Variants in IPO11 observed in about 807,000 individuals in gnomAD.
IPO11 encodes the protein importin 11.
A neutral mutation model predicts 143.2 loss-of-function variants in IPO11; 66 were observed. That is an observed-to-expected ratio of 0.46 (90% CI 0.38 to 0.57). IPO11 has a LOEUF of 0.57. Among genes scored for constraint, IPO11 ranks in the 20% least tolerant of loss-of-function variants. The probability of loss-of-function intolerance (pLI) is 0.00; values close to 1 mark genes in which losing one functional copy is unlikely to be tolerated. For missense variants in IPO11, 1,026 were observed against 1,141.0 expected (o/e 0.90, Z 1.45); for synonymous variants, 385 against 377.8 (o/e 1.02, Z -0.22).
At chr5:62,578,971 A>G (rs1744430829) in intron 27 of IPO11, 1 of 240,244 alleles carries the variant, frequency 4.2e-6, no homozygotes, top group Non-Finnish European at 8.3e-6. Context: ...CTTCTAGCTG[A>G]CATGAAAAAT....
chr5:62,616,182 T>C (rs963661608), intron 29 of IPO11, among the ~76,000 whole-genome samples: 3 of 152,124 alleles, frequency 2.0e-5, no homozygotes, highest in Non-Finnish European at 4.4e-5. Flanking sequence ...TGTGGACATA[T>C]CTATCTAACG....
intron 20 of IPO11, among the ~76,000 whole-genome samples, chr5:62,517,158 A>G (rs1352594167): frequency 6.6e-6 from 1 of 151,884 alleles, no homozygotes; most frequent in Non-Finnish European, 1.5e-5. Context: ...AGATCGCGCC[A>G]CTGCACTCTA....
At chr5:62,556,225 T>A (rs555096446) in intron 26 of IPO11, among the ~76,000 whole-genome samples, 3 of 152,176 alleles carry the variant, frequency 2.0e-5, no homozygotes. Flanking sequence ...CTTGGGGGGC[T>A]GAGGCAGGAG....
intron 29 of IPO11, among the ~76,000 whole-genome samples, chr5:62,606,411 C>T (rs1255569612): frequency 3.0e-5 from 4 of 133,928 alleles, no homozygotes; most frequent in East Asian, 4.6e-4. Flanking sequence ...ACATGGGAGA[C>T]GGAGGTTGCA....
chr5:62,456,032 C>A (rs1490228140), intron 5 of IPO11, among the ~76,000 whole-genome samples: 18 of 151,876 alleles, frequency 1.2e-4, no homozygotes, highest in Admixed American at 1.2e-3. Flanking sequence ...GCCAGGAATT[C>A]ATTTTCTTTT....
At chr5:62,605,710 A>G (rs974303930) in intron 29 of IPO11, among the ~76,000 whole-genome samples, 17 of 113,620 alleles carry the variant, frequency 1.5e-4, no homozygotes, top group South Asian at 3.2e-4. Context: ...ACCAGCTAAC[A>G]AAGTATTATT....
chr5:62,487,723 A>AT (rs762112660), intron 12 of IPO11, 48 bp from the exon 13 acceptor site: 129 of 1,473,406 alleles, frequency 8.8e-5, no homozygotes, highest in Admixed American at 2.1e-4. Context: ...ATTAGTCAAT[A>AT]TAGTATGCAA....
chr5:62,487,667 T>G, intron 12 of IPO11, 104 bp from the exon 13 acceptor site: 1 of 1,193,618 alleles, frequency 8.4e-7, no homozygotes, highest in Non-Finnish European at 1.1e-6. Flanking sequence ...TGGAAACATT[T>G]TCAAAGTTTT....
chr5:62,470,133 T>C, intron 6 of IPO11, 117 bp from the exon 7 acceptor site: 1 of 954,052 alleles, frequency 1.0e-6, no homozygotes. Context: ...GGAGTTAACT[T>C]TCCAACCCAG....
At chr5:62,528,560 T>A (rs994149760) in intron 21 of IPO11, among the ~76,000 whole-genome samples, 2 of 151,984 alleles carry the variant, frequency 1.3e-5, no homozygotes, top group African/African-American at 4.8e-5. Context: ...AGGGGTGGGA[T>A]TCAGAGCTCA....
At chr5:62,463,493 A>G (rs1046713368) in intron 5 of IPO11, among the ~76,000 whole-genome samples, 5 of 151,774 alleles carry the variant, frequency 3.3e-5, no homozygotes, top group African/African-American at 1.2e-4. Flanking sequence ...GTGAGATCCT[A>G]TCTCTACAAA....
At chr5:62,610,754 AAATG>A (rs1359779459) in intron 29 of IPO11, among the ~76,000 whole-genome samples, 1 of 152,222 alleles carries the variant, frequency 6.6e-6, no homozygotes, top group Non-Finnish European at 1.5e-5. Flanking sequence ...AGCATCTTCA[AAATG>A]AATCTTTTTT....
intron 27 of IPO11, among the ~76,000 whole-genome samples, chr5:62,582,392 A>T (rs1307572628): frequency 1.3e-5 from 2 of 152,200 alleles, no homozygotes; most frequent in African/African-American, 4.8e-5. Flanking sequence ...TTTTTGGCTT[A>T]GGCAGTTTTG....
At position 62,591,676 on chromosome 5, in the gene IPO11, G is replaced by T; in HGVS notation, c.2678+4G>T. The T allele has an allele frequency of 6.4e-7, 1 of 1,573,664 alleles. No homozygotes were observed. The highest frequency in any genetic ancestry group is 8.6e-7 in the Non-Finnish European group (1 of 1,156,096). ...CTGAAACAGGAACTTATAAAGAGTA[G>T]GTGCATTATTTAATTAATCATAATT... On this transcript the variant is annotated splice_donor_region_variant and intron_variant, in intron 28 of 29. Transcript: ENST00000325324.
At chr5:62,452,006 C>G (rs1744946448) in intron 5 of IPO11, 73 bp downstream of exon 5, 2 of 1,225,050 alleles carry the variant, frequency 1.6e-6, no homozygotes, top group Non-Finnish European at 1.2e-6. Context: ...TGCCTGTAAT[C>G]TCAGCACTTT....
intron 1 of IPO11, among the ~76,000 whole-genome samples, chr5:62,433,885 G>A (rs1744078093): frequency 6.6e-6 from 1 of 152,086 alleles, no homozygotes; most frequent in Non-Finnish European, 1.5e-5. Flanking sequence ...AAGCAAGGCT[G>A]TGACTTTTAT....
chr5:62,489,154 C>A (rs778029029), intron 13 of IPO11, 148 bp from the exon 14 acceptor site: 120 of 457,192 alleles, frequency 2.6e-4, no homozygotes, highest in Admixed American at 4.5e-4. Flanking sequence ...TTAGACTTTC[C>A]CTTTGTACTT....
At chr5:62,542,888 T>A (rs1743013897) in intron 24 of IPO11, among the ~76,000 whole-genome samples, 1 of 152,178 alleles carries the variant, frequency 6.6e-6, no homozygotes, top group African/African-American at 2.4e-5. Flanking sequence ...TTCACTGTGA[T>A]TAGACTTAAG....
chr5:62,565,700 GTAGGTTT>G, intron 27 of IPO11, among the ~76,000 whole-genome samples: 1 of 151,908 alleles, frequency 6.6e-6, no homozygotes, highest in Non-Finnish European at 1.5e-5. Flanking sequence ...TACAGAACGT[GTAGGTTT>G]CAGCCCATCA....
Sources: gnomAD v4.1 joint callset for allele counts (sites outside exome capture counted in the v4.1 genomes callset) on GRCh38, gnomAD v4.1.1 for gene constraint, MANE v1.5 for transcripts, NCBI Gene and HGNC (gene_info 2026-07-23, HGNC 2026-07-21) for gene names.